Variants in LRRC41 observed in about 807,000 individuals in gnomAD.
The protein encoded by LRRC41 is leucine rich repeat containing 41, also known as leucine-rich repeat-containing protein 41.
A neutral mutation model predicts 72.1 loss-of-function variants in LRRC41; 17 were observed. The ratio of observed to expected loss-of-function variants is 0.24; its 90% CI spans 0.16 to 0.35. LRRC41 has a LOEUF of 0.35. Among genes scored for constraint, LRRC41 ranks in the 10% least tolerant of loss-of-function variants. The pLI is 1.00. For missense variants in LRRC41, 759 were observed against 1,065.0 expected, an observed-to-expected ratio of 0.71 and a Z score of 4.00; for synonymous variants, 427 against 431.0, an observed-to-expected ratio of 0.99 and a Z score of 0.11.
chr1:46,285,825 G>T lies in LRRC41; in HGVS notation c.1032C>A (p.Pro344=). 1 of 1,595,066 alleles carries T rather than the reference G, an allele frequency of 6.3e-7. No homozygotes were observed. Among genetic ancestry groups the T allele is most frequent in the Non-Finnish European group, 8.5e-7 (1 of 1,171,940 alleles). ...CAGGAGCCTCATGGGAGGTGGCTGG[G>T]GGGTGCAGCTCCCTCTTAAGGTCTG... ...GGTDLKRELH[P]PATSHEAPGT... Residue 344 remains proline, a synonymous_variant, in exon 4 of 10, where the codon CCC becomes CCA. Coordinates refer to ENST00000617190, the MANE Select transcript of LRRC41 (RefSeq NM_006369.5). The surrounding 1 kb of genome is among the most constrained non-coding windows in gnomAD (Gnocchi z 5.3).
chr1:46,296,127 G>A (rs1401956802), intron 3 of LRRC41, among the ~76,000 whole-genome samples: 1 of 152,086 alleles, frequency 6.6e-6, no homozygotes, highest in Non-Finnish European at 1.5e-5. Context: ...TAAACTGGTA[G>A]GTCCTTGCCG....
intron 2 of LRRC41, 151 bp downstream of exon 2, chr1:46,298,133 G>C: frequency 1.7e-6 from 1 of 576,098 alleles, no homozygotes; most frequent in African/African-American, 1.9e-5. Context: ...TGTTTCATAG[G>C]ACACTGAGGA....
Position 46,281,201 on chromosome 1 carries a change from T to G in LRRC41, c.1680A>C (p.Pro560=). ...LRVLSIRVDH[P]SQRDNPGVPG... is the part of the protein sequence containing the mutation. Reference sequence around the variant, plus strand: ...GCACACCAGGGTTGTCCCGCTGGCTTGGGTGGTCAACACGAATAGAGAGGA... The same window carrying G: ...GCACACCAGGGTTGTCCCGCTGGCTGGGGTGGTCAACACGAATAGAGAGGA... Residue 560 remains proline, a synonymous_variant, in exon 5 of 10, where the codon CCA becomes CCC. Transcript: ENST00000617190. The G allele has an allele frequency of 6.2e-7, 1 of 1,614,184 alleles. No homozygotes were observed. Among genetic ancestry groups the G allele is most frequent in the Non-Finnish European group, 8.5e-7 (1 of 1,180,038 alleles).
At chr1:46,289,617 C>T (rs573213753) in intron 3 of LRRC41, among the ~76,000 whole-genome samples, 198 of 152,180 alleles carry the variant, frequency 1.3e-3, no homozygotes, top group African/African-American at 4.6e-3. Context: ...AAAAATTCGC[C>T]GGGCGAGGTG....
chr1:46,296,699 C>G (rs1661133957), intron 3 of LRRC41: 1 of 152,174 alleles, frequency 6.6e-6, no homozygotes. Flanking sequence ...AATGCTGAAT[C>G]CCCTGCAGAA....
Position 46,303,235 on chromosome 1 carries a change from C to G in LRRC41, c.88G>C (p.Ala30Pro), listed in dbSNP as rs773249309. The change falls in exon 1 of 10, where the codon GCG (alanine) becomes CCG (proline). Residue 30 changes from alanine (A) to proline (P), a missense_variant. By Grantham distance (27) the Ala-to-Pro change is conservative. Around this residue, in one of 4 missense-constraint regions of LRRC41, gnomAD observed 106 missense variants for 66.1 expected, o/e 1.60. Coordinates refer to ENST00000617190, the MANE Select transcript of LRRC41 (RefSeq NM_006369.5). ...GAGGCCGAGCTCTTCGCTGGCGCCG[C>G]CTCCCGGGACGTGGCCTCCATGGTC... is the stretch of plus-strand genomic sequence containing the variant. ...ATTMEATSRE[A>P]APAKSSASGP... 1 of 1,555,582 alleles carries G rather than the reference C, an allele frequency of 6.4e-7. No homozygotes were observed.
chr1:46,301,960 G>A, intron 1 of LRRC41: 1 of 985,350 alleles, frequency 1.0e-6, no homozygotes, highest in Non-Finnish European at 1.2e-6. Context: ...GCGCGGCTAG[G>A]CCTGCTTGGC....
chr1:46,281,039 TC>T lies in LRRC41; in HGVS notation c.1756+85del, dbSNP rs1353875825. ...AGGAATGAGTGATAGAAGAGGTCCT[TC>T]CCCTTTCCCCATACGAATGCATCTG... On this transcript the variant is annotated intron_variant, in intron 5 of 9. Transcript: ENST00000617190. The T allele has an allele frequency of 2.6e-6, 4 of 1,545,710 alleles. No homozygotes were observed. In the Admixed American group the frequency reaches 5.3e-5, roughly 20 times the overall value.
At chr1:46,280,991 G>A (rs545213526) in intron 5 of LRRC41, 134 bp downstream of exon 5, 4 of 1,245,510 alleles carry the variant, frequency 3.2e-6, no homozygotes, top group Non-Finnish European at 3.4e-6. Flanking sequence ...GGCTCTAAAG[G>A]GGGGATAGGT....
At chr1:46,280,075 T>C in intron 7 of LRRC41, 117 bp downstream of exon 7, 4 of 747,652 alleles carry the variant, frequency 5.4e-6, no homozygotes, top group Non-Finnish European at 9.2e-6. Flanking sequence ...AGGTTCTATA[T>C]CCATTTTATA....
intron 3 of LRRC41, among the ~76,000 whole-genome samples, chr1:46,291,076 C>T (rs1158222586): frequency 1.3e-5 from 2 of 151,126 alleles, no homozygotes; most frequent in Non-Finnish European, 2.9e-5. Flanking sequence ...AGGCACGTGC[C>T]ACCACACCCA....
Position 46,286,134 on chromosome 1 carries a change from G to A in LRRC41, c.723C>T (p.Ala241=). ...SLYSWPVPES[A]LFILILTMSA... ...TCATGGTGAGAATAAGGATGAAAAG[G>A]GCTGACTCAGGCACAGGCCAGGAGT... is the stretch of plus-strand genomic sequence containing the variant. The change falls in exon 4 of 10, where the codon GCC becomes GCT. Residue 241 remains alanine, a synonymous_variant. Transcript: ENST00000617190. This position sits in a 1 kb window ranked among gnomAD's most constrained non-coding sequence, Gnocchi z 5.5. 6.2e-7 allele frequency: 1 copy of A among 1,614,262 alleles called. No homozygotes were observed.
intron 5 of LRRC41, 73 bp from the exon 6 acceptor site, chr1:46,280,633 C>T (rs1660753687): frequency 6.9e-7 from 1 of 1,457,212 alleles, no homozygotes; most frequent in Non-Finnish European, 9.4e-7. Context: ...CCATCCTGTT[C>T]TTAAGGGATT....
intron 3 of LRRC41, among the ~76,000 whole-genome samples, chr1:46,295,174 C>G (rs1434716313): frequency 6.6e-6 from 1 of 152,052 alleles, no homozygotes; most frequent in Non-Finnish European, 1.5e-5. Context: ...ATCCTCCTAC[C>G]TTGGTCTCCC....
chr1:46,290,324 G>A (rs781183623), intron 3 of LRRC41, among the ~76,000 whole-genome samples: 41 of 152,234 alleles, frequency 2.7e-4, no homozygotes, highest in Non-Finnish European at 4.0e-4. Context: ...TGGGAGGATC[G>A]CCTGAGCCTG....
intron 3 of LRRC41, 97 bp downstream of exon 3, chr1:46,297,466 C>T: frequency 3.1e-6 from 3 of 969,842 alleles, no homozygotes; most frequent in Non-Finnish European, 4.9e-6. Context: ...TCCATCATTG[C>T]CTCTGCACTT....
At chr1:46,283,000 G>A (rs1436975185) in intron 4 of LRRC41, among the ~76,000 whole-genome samples, 1 of 150,770 alleles carries the variant, frequency 6.6e-6, no homozygotes, top group East Asian at 1.9e-4. Flanking sequence ...CTCCAGCCTG[G>A]GTGACAACAG....
Position 46,294,559 on chromosome 1 carries a change from C to T in LRRC41, c.357+3004G>A, listed in dbSNP as rs60968329. Among the ~76,000 whole-genome samples the T allele has an allele frequency of 8.1e-3, 1,220 of 151,036 alleles. 19 individuals carry two copies. Among genetic ancestry groups the T allele is most frequent in the Middle Eastern group, 0.037 (11 of 294 alleles). The stretch of plus-strand genomic sequence containing the variant: ...GATTATAGATGTCAGTCACTGTACC[C>T]GACTCTTGTGCCTTTACTTTTTACA... On this transcript the variant is annotated intron_variant, in intron 3 of 9. Transcript: ENST00000617190.
chr1:46,292,368 A>G (rs929696829), intron 3 of LRRC41, among the ~76,000 whole-genome samples: 1 of 152,160 alleles, frequency 6.6e-6, no homozygotes. Flanking sequence ...AAAGTCTGGA[A>G]TTACAGGTAA....
Sources: gnomAD v4.1 joint callset for allele counts (sites outside exome capture counted in the v4.1 genomes callset) on GRCh38, gnomAD v4.1.1 for gene constraint, gnomAD v4.1.1 regional missense constraint, Gnocchi (gnomAD v3.1) non-coding constraint, MANE v1.5 for transcripts, NCBI Gene and HGNC (gene_info 2026-07-23, HGNC 2026-07-21) for gene names.